Variants in BFSP2 observed in about 807,000 individuals in gnomAD.
BFSP2 encodes the protein beaded filament structural protein 2, also known as phakinin.
In BFSP2, 38 loss-of-function variants were observed where a neutral mutation model predicts 44.9. The observed-to-expected ratio is 0.85, with a 90% CI of 0.65 to 1.11. The LOEUF (loss-of-function observed/expected upper bound fraction) is 1.11, where lower values mean the gene tolerates loss of function less well. Ranked by LOEUF, BFSP2 falls within the 50% of genes least tolerant of loss-of-function variation. BFSP2 has a pLI of 0.00. For synonymous variants in BFSP2, 197 were observed against 209.9 expected, an observed-to-expected ratio of 0.94 and a Z score of 0.53; for missense variants, 525 against 533.0, an observed-to-expected ratio of 0.99 and a Z score of 0.15.
chr3:133,470,191 T>C (rs976868773), intron 5 of BFSP2, among the ~76,000 whole-genome samples: 2 of 152,214 alleles, frequency 1.3e-5, no homozygotes, highest in African/African-American at 2.4e-5. Context: ...TGATCACGTT[T>C]TGCCTCTTAT....
In BFSP2 at chr3:133,400,686, AC is replaced by A; in HGVS notation, c.489+115del. On this transcript the variant is annotated intron_variant, in intron 1 of 6. Transcript: ENST00000302334. This position sits in a 1 kb window ranked among gnomAD's most constrained non-coding sequence, Gnocchi z 4.0. ...AGAGAAACTGACCATAATCCCCTAC[AC>A]TTTCACACTTAAAATGGTAATGATA... 1 of 1,454,056 alleles carries A rather than the reference AC, an allele frequency of 6.9e-7. No homozygotes were observed. The highest frequency in any genetic ancestry group is 9.3e-7 in the Non-Finnish European group (1 of 1,075,520). 90.1% of individuals were successfully genotyped at this position (1,454,056 alleles called of 1,614,324 possible). A position where few individuals can be genotyped will look rare whatever the true frequency, so the allele number is the denominator to read the frequency against.
chr3:133,424,492 T>G (rs1043059487), intron 1 of BFSP2, among the ~76,000 whole-genome samples: 6 of 90,194 alleles, frequency 6.7e-5, no homozygotes, highest in Admixed American at 3.5e-4. Flanking sequence ...AGTTCCAGTC[T>G]CAGCCCACCA....
intron 4 of BFSP2, among the ~76,000 whole-genome samples, chr3:133,463,402 G>A (rs992154913): frequency 6.6e-6 from 1 of 152,176 alleles, no homozygotes; most frequent in Non-Finnish European, 1.5e-5. Context: ...AGACAAGTGC[G>A]CAGTTTGACC....
chr3:133,461,956 A>G (rs960321869), intron 4 of BFSP2, among the ~76,000 whole-genome samples: 5 of 152,354 alleles, frequency 3.3e-5, no homozygotes, highest in Admixed American at 2.6e-4. Flanking sequence ...ATTTAATAAC[A>G]GTGGTTGGTT....
chr3:133,435,423 G>A (rs2073771288), intron 1 of BFSP2, among the ~76,000 whole-genome samples: 1 of 152,176 alleles, frequency 6.6e-6, no homozygotes, highest in Non-Finnish European at 1.5e-5. Flanking sequence ...TCATTTGCTA[G>A]CCATTTCTTT....
chr3:133,406,975 A>G (rs2107877160), intron 1 of BFSP2, among the ~76,000 whole-genome samples: 1 of 152,336 alleles, frequency 6.6e-6, no homozygotes, highest in Non-Finnish European at 1.5e-5. Context: ...TTGTGAGGCC[A>G]AGGCAGAAGG....
intron 1 of BFSP2, among the ~76,000 whole-genome samples, chr3:133,444,040 G>A (rs539012205): frequency 6.6e-6 from 1 of 151,812 alleles, no homozygotes; most frequent in East Asian, 1.9e-4. Flanking sequence ...CACCATCATG[G>A]TACAAATGAC....
At chr3:133,443,014 C>T (rs781490598) in intron 1 of BFSP2, among the ~76,000 whole-genome samples, 7 of 151,988 alleles carry the variant, frequency 4.6e-5, no homozygotes, top group African/African-American at 7.2e-5. Flanking sequence ...CGTGCAACCA[C>T]GCCCAGCTAA....
intron 5 of BFSP2, among the ~76,000 whole-genome samples, chr3:133,470,241 TC>T (rs2074149593): frequency 6.6e-6 from 1 of 152,226 alleles, no homozygotes; most frequent in South Asian, 2.1e-4. Flanking sequence ...CTCAACATTC[TC>T]ATATCCTATG....
intron 1 of BFSP2, among the ~76,000 whole-genome samples, chr3:133,446,614 A>T (rs866953478): frequency 4.0e-5 from 2 of 50,006 alleles, no homozygotes; most frequent in Admixed American, 2.1e-4. Flanking sequence ...ATATATATAT[A>T]TATATATATA....
chr3:133,453,150 C>G (rs2073980985), intron 4 of BFSP2, among the ~76,000 whole-genome samples: 1 of 152,200 alleles, frequency 6.6e-6, no homozygotes, highest in African/African-American at 2.4e-5. Flanking sequence ...TGATCATCAA[C>G]AGAGATCTGA....
chr3:133,402,357 A>T (rs1310569355), intron 1 of BFSP2, among the ~76,000 whole-genome samples: 1 of 152,218 alleles, frequency 6.6e-6, no homozygotes, highest in East Asian at 1.9e-4. Flanking sequence ...TGGGTATAAC[A>T]ATGCTTACAT....
rs368746078 is a variant in BFSP2 at position 133,454,146 on chromosome 3, A to G, written c.891+3682A>G. ...CACACTCTAGACCTCCTAGTTAGTCAAGTAAAACAAAACAACTTTTTTTTT... is the reference window on the plus strand; with the variant it reads ...CACACTCTAGACCTCCTAGTTAGTCGAGTAAAACAAAACAACTTTTTTTTT... On this transcript the variant is annotated intron_variant, in intron 4 of 6. Coordinates refer to ENST00000302334, the MANE Select transcript of BFSP2 (RefSeq NM_003571.4). 1.1e-4 allele frequency among the ~76,000 whole-genome samples: 16 copies of G among 152,290 alleles called. 1 individual carries two copies. Among genetic ancestry groups the G allele is most frequent in the South Asian group, 1.0e-3 (5 of 4,822 alleles).
rs1254244116 is a variant in BFSP2 at position 133,408,375 on chromosome 3, C to T, written c.489+7803C>T. Among the ~76,000 whole-genome samples, 5 of 152,278 alleles carry T rather than the reference C, an allele frequency of 3.3e-5. No individual in the cohort carries two copies. The South Asian group carries it at 1.0e-3, about 32-fold the overall frequency. Reference sequence around the variant, plus strand: ...TGTCAAACTATTTGTTGGTGAAGCTCTAGGGAAACAGGCAAGTTTATACAG... The same window carrying T: ...TGTCAAACTATTTGTTGGTGAAGCTTTAGGGAAACAGGCAAGTTTATACAG... On this transcript the variant is annotated intron_variant, in intron 1 of 6. Coordinates refer to ENST00000302334, the MANE Select transcript of BFSP2 (RefSeq NM_003571.4).
rs562122083 is a variant in BFSP2 at position 133,418,346 on chromosome 3, A to T, written c.489+17774A>T. 4.6e-5 allele frequency among the ~76,000 whole-genome samples: 7 copies of T among 152,330 alleles called. No homozygotes were observed. In the South Asian group the frequency reaches 1.5e-3, roughly 32 times the overall value. On this transcript the variant is annotated intron_variant, in intron 1 of 6. Coordinates refer to ENST00000302334, the MANE Select transcript of BFSP2 (RefSeq NM_003571.4). ...AGAGATTTATTATCACTCACCCACC[A>T]GGGAAACACGGGCCTTGTTTTGTTC... is the stretch of plus-strand genomic sequence containing the variant.
chr3:133,465,783 T>G (rs2074103532), intron 4 of BFSP2, among the ~76,000 whole-genome samples: 2 of 152,170 alleles, frequency 1.3e-5, no homozygotes, highest in African/African-American at 4.8e-5. Flanking sequence ...GAAGGGAAAT[T>G]TGCCACTATT....
At chr3:133,459,323 A>G (rs2074041460) in intron 4 of BFSP2, among the ~76,000 whole-genome samples, 1 of 152,170 alleles carries the variant, frequency 6.6e-6, no homozygotes, top group Non-Finnish European at 1.5e-5. Flanking sequence ...CAGCCTGGGC[A>G]ACAGGGTGAG....
intron 1 of BFSP2, among the ~76,000 whole-genome samples, chr3:133,405,940 C>T (rs2073400049): frequency 6.6e-6 from 1 of 152,070 alleles, no homozygotes; most frequent in Non-Finnish European, 1.5e-5. Flanking sequence ...CAGGTGGCCA[C>T]TAAGCCTCTT....
chr3:133,403,068 TC>T (rs1190683939), intron 1 of BFSP2, among the ~76,000 whole-genome samples: 1 of 152,184 alleles, frequency 6.6e-6, no homozygotes, highest in Non-Finnish European at 1.5e-5. Context: ...GAATCTGGCC[TC>T]GTGGAGCTGC....
Sources: allele counts gnomAD v4.1 joint callset (sites outside exome capture counted in the v4.1 genomes callset), GRCh38; gene constraint gnomAD v4.1.1; non-coding constraint Gnocchi (gnomAD v3.1); transcripts MANE v1.5; gene names NCBI Gene and HGNC (gene_info 2026-07-23, HGNC 2026-07-21).